CHD1: variants seen among roughly 807,000 people sequenced by gnomAD.
CHD1 encodes the protein ATP-dependent chromatin remodeler CHD1.
A neutral mutation model predicts 224.2 loss-of-function variants in CHD1; 36 were observed. The ratio of observed to expected loss-of-function variants is 0.16; its 90% CI spans 0.12 to 0.21. The LOEUF (loss-of-function observed/expected upper bound fraction) is 0.21, where lower values mean the gene tolerates loss of function less well. Ranked by LOEUF, CHD1 falls within the 10% of genes least tolerant of loss-of-function variation. CHD1 has a pLI of 1.00. For missense variants in CHD1, 1,378 were observed against 1,994.8 expected (o/e 0.69, Z 5.89); for synonymous variants, 668 against 658.3 (o/e 1.01, Z -0.23).
intron 27 of CHD1, 100 bp downstream of exon 27, chr5:98,872,317 T>G: frequency 6.8e-7 from 1 of 1,478,646 alleles, no homozygotes; most frequent in Non-Finnish European, 9.2e-7. Context: ...TCTTCCTTTT[T>G]TTTTTCAAAA....
At chr5:98,857,787 C>T (rs558243745) in intron 35 of CHD1, among the ~76,000 whole-genome samples, 10 of 152,006 alleles carry the variant, frequency 6.6e-5, no homozygotes, top group African/African-American at 1.7e-4. Flanking sequence ...TAATTTTTCC[C>T]GACTTTTTAA....
chr5:98,924,113 G>C (rs1753288695), intron 2 of CHD1, among the ~76,000 whole-genome samples: 1 of 152,124 alleles, frequency 6.6e-6, no homozygotes, highest in South Asian at 2.1e-4. Flanking sequence ...AAAATTAGCT[G>C]AGTGTGGTGG....
intron 1 of CHD1, among the ~76,000 whole-genome samples, chr5:98,927,473 C>G (rs1224572543): frequency 6.6e-6 from 1 of 152,102 alleles, no homozygotes; most frequent in Non-Finnish European, 1.5e-5. Context: ...TTCCATTCCA[C>G]AAGAGAGGGA....
At chr5:98,905,953 T>C (rs1008150705) in intron 2 of CHD1, among the ~76,000 whole-genome samples, 1 of 152,224 alleles carries the variant, frequency 6.6e-6, no homozygotes, top group Non-Finnish European at 1.5e-5. Context: ...CCGCTTTTGA[T>C]GTAATTTCAT....
intron 32 of CHD1, chr5:98,860,511 CACTT>C (rs961354753): frequency 3.3e-4 from 72 of 219,112 alleles, no homozygotes; most frequent in African/African-American, 1.6e-3. Flanking sequence ...AGTTAACTGT[CACTT>C]AATAATGGTA....
chr5:98,883,129 G>T lies in CHD1; in HGVS notation c.2677C>A (p.Gln893Lys). The T allele has an allele frequency of 6.2e-7, 1 of 1,600,862 alleles. No homozygotes were observed. The highest frequency in any genetic ancestry group is 2.3e-5 in the East Asian group (1 of 44,352). ...ATTCGATGGGCTCTAGCCTGTGCCTGAAGATCATTCTGTGGATTCCAATCG... is the reference window on the plus strand; with the variant it reads ...ATTCGATGGGCTCTAGCCTGTGCCTTAAGATCATTCTGTGGATTCCAATCG... ...DSDWNPQNDL[Q>K]AQARAHRIGQ... is the part of the protein sequence containing the mutation. Residue 893 changes from glutamine to lysine, a missense_variant, in exon 19 of 36, where the codon CAG becomes AAG. Transcript: ENST00000614616.
chr5:98,900,654 TGGTCTAGAACTCCTGACCTCA>T (rs1260951959), intron 7 of CHD1, among the ~76,000 whole-genome samples, 136 bp downstream of exon 7: 1 of 152,118 alleles, frequency 6.6e-6, no homozygotes, highest in African/African-American at 2.4e-5. Flanking sequence ...TTGGCCAGGC[TGGTCTAGAACTCCTGACCTCA>T]GGTCTAGAAC....
chr5:98,860,431 C>A, intron 32 of CHD1: 1 of 269,040 alleles, frequency 3.7e-6, no homozygotes. Flanking sequence ...ATGTTAATAA[C>A]TGGAGTGGAA....
chr5:98,883,666 A>G (rs573158661), intron 18 of CHD1, among the ~76,000 whole-genome samples: 1 of 151,796 alleles, frequency 6.6e-6, no homozygotes, highest in East Asian at 1.9e-4. Context: ...ACACGATTAC[A>G]GCAGCACAAT....
At chr5:98,866,333 A>G (rs1015472181) in intron 31 of CHD1, among the ~76,000 whole-genome samples, 3 of 152,182 alleles carry the variant, frequency 2.0e-5, no homozygotes, top group African/African-American at 7.2e-5. Flanking sequence ...AGGGAGAACA[A>G]GAGGATGGTA....
intron 18 of CHD1, 56 bp downstream of exon 18, chr5:98,885,522 T>G (rs1191698016): frequency 9.5e-7 from 1 of 1,049,262 alleles, no homozygotes; most frequent in African/African-American, 1.6e-5. Flanking sequence ...TATAATAATG[T>G]AATATACTGA....
intron 22 of CHD1, 60 bp downstream of exon 22, chr5:98,881,016 T>C (rs1750135224): frequency 2.1e-6 from 2 of 957,234 alleles, no homozygotes; most frequent in East Asian, 2.5e-5. Flanking sequence ...AACCACTAAA[T>C]GACATAACTC....
Position 98,854,630 on chromosome 5 carries a change from C to T in CHD1, c.*1750G>A, listed in dbSNP as rs891424217. 1.3e-5 allele frequency: 2 copies of T among 151,994 alleles called. No homozygotes were observed. The highest frequency in any genetic ancestry group is 1.3e-4 in the Admixed American group (2 of 15,254). The allele number at this position is 151,994 out of a possible 1,614,324, so 9.4% of individuals were successfully genotyped here. ...AAAGCATTATTATTCTTCAGGGTAA[C>T]TGTATCAGAAAGAGAAATTACTGCA... On this transcript the variant is annotated 3_prime_UTR_variant, in exon 36 of 36. Coordinates refer to ENST00000614616, the MANE Select transcript of CHD1 (RefSeq NM_001270.4).
At chr5:98,871,745 T>C (rs1749367195) in intron 28 of CHD1, among the ~76,000 whole-genome samples, 1 of 152,160 alleles carries the variant, frequency 6.6e-6, no homozygotes. Context: ...TCCAAAAATA[T>C]GTACATCTAT....
At chr5:98,909,210 A>G (rs1013648275) in intron 2 of CHD1, among the ~76,000 whole-genome samples, 8 of 152,182 alleles carry the variant, frequency 5.3e-5, no homozygotes, top group South Asian at 2.1e-4. Flanking sequence ...CTTTAGTCTC[A>G]TAATTGTTTC....
intron 23 of CHD1, among the ~76,000 whole-genome samples, chr5:98,878,108 G>C (rs1004831724): frequency 1.3e-5 from 2 of 152,184 alleles, no homozygotes; most frequent in Non-Finnish European, 1.5e-5. Context: ...CTGAGTGTAC[G>C]CTATTGTGAG....
At chr5:98,896,096 AG>A in intron 12 of CHD1, 129 bp downstream of exon 12, 1 of 702,500 alleles carries the variant, frequency 1.4e-6, no homozygotes. Context: ...TCCCAGTTGC[AG>A]TGAGCCAAGA....
chr5:98,905,238 G>C, intron 2 of CHD1, 140 bp from the exon 3 acceptor site: 3 of 965,362 alleles, frequency 3.1e-6, no homozygotes, highest in South Asian at 3.5e-5. Flanking sequence ...AAAAGAAAAA[G>C]GAATTGATTT....
At chr5:98,894,773 C>A in intron 12 of CHD1, 87 bp from the exon 13 acceptor site, 1 of 584,628 alleles carries the variant, frequency 1.7e-6, no homozygotes, top group Non-Finnish European at 3.1e-6. Context: ...AAAATCCATT[C>A]AAATATGTAA....
Sources: gnomAD v4.1 joint callset for allele counts (sites outside exome capture counted in the v4.1 genomes callset) on GRCh38, gnomAD v4.1.1 for gene constraint, MANE v1.5 for transcripts, NCBI Gene and HGNC (gene_info 2026-07-23, HGNC 2026-07-21) for gene names.